The following RHOBTB2 variants were observed in gnomAD, a reference collection of about 807,000 sequenced individuals.
The protein encoded by RHOBTB2 is Rho related BTB domain containing 2.
In RHOBTB2, 39 loss-of-function variants were observed where a neutral mutation model predicts 66.5. That is an observed-to-expected ratio of 0.59 (90% CI 0.45 to 0.77). RHOBTB2 has a LOEUF of 0.77. Ranked by LOEUF, RHOBTB2 falls within the 30% of genes least tolerant of loss-of-function variation. The pLI, the probability that RHOBTB2 is intolerant of heterozygous loss-of-function variation, is 0.00. For missense variants in RHOBTB2, 755 were observed against 999.1 expected, an observed-to-expected ratio of 0.76 and a Z score of 3.29; for synonymous variants, 390 against 395.0, an observed-to-expected ratio of 0.99 and a Z score of 0.15.
upstream of RHOBTB2, among the ~76,000 whole-genome samples, chr8:22,986,101 C>T (rs1810281891): frequency 6.6e-6 from 1 of 151,826 alleles, no homozygotes; most frequent in Admixed American, 6.6e-5. Flanking sequence ...CAGCGAACAT[C>T]AGAGACCCAT....
Position 23,004,414 on chromosome 8 carries a change from C to A in RHOBTB2, c.-10-11C>A. 1 of 1,613,156 alleles carries A rather than the reference C, an allele frequency of 6.2e-7. No homozygotes were observed. Among genetic ancestry groups the A allele is most frequent in the Non-Finnish European group, 8.5e-7 (1 of 1,179,162 alleles). ...CCATGCCGTCCTGACCGCCTCCCTCCTCTCCCTCAGGTCCCGTTTAATGGA... is the reference window on the plus strand; with the variant it reads ...CCATGCCGTCCTGACCGCCTCCCTCATCTCCCTCAGGTCCCGTTTAATGGA... On this transcript the variant is annotated splice_polypyrimidine_tract_variant and intron_variant, in intron 1 of 9. Coordinates refer to ENST00000251822, the MANE Select transcript of RHOBTB2 (RefSeq NM_015178.3). The surrounding 1 kb of genome is among the most constrained non-coding windows in gnomAD (Gnocchi z 6.4).
intron 2 of RHOBTB2, among the ~76,000 whole-genome samples, chr8:23,005,150 T>G (rs936680546): frequency 6.6e-6 from 1 of 152,114 alleles, no homozygotes; most frequent in Non-Finnish European, 1.5e-5. Flanking sequence ...TAGGGTCTCT[T>G]CCACTCCTGG....
At chr8:22,984,459 G>A (rs1466752565), upstream of RHOBTB2, 2 of 152,154 alleles carry the variant, frequency 1.3e-5, no homozygotes, top group East Asian at 1.9e-4. Flanking sequence ...ATATTCTTAC[G>A]CACCATATAT....
chr8:23,013,724 G>A (rs1324897912), intron 7 of RHOBTB2, among the ~76,000 whole-genome samples: 2 of 152,094 alleles, frequency 1.3e-5, no homozygotes, highest in African/African-American at 4.8e-5. Flanking sequence ...TTGAACTCCT[G>A]GCCTCAAGTG....
intron 1 of RHOBTB2, among the ~76,000 whole-genome samples, chr8:22,987,822 C>T (rs1405488063): frequency 1.3e-5 from 2 of 152,216 alleles, no homozygotes; most frequent in South Asian, 2.1e-4. Flanking sequence ...GCAGCCAGAT[C>T]TGGGGCAGGA....
the RHOBTB2 span, among the ~76,000 whole-genome samples, chr8:22,966,532 C>T: frequency 2.0e-5 from 3 of 151,924 alleles, no homozygotes; most frequent in African/African-American, 7.3e-5. Flanking sequence ...TGCCCGTAAT[C>T]CCAGCACTTT....
rs1810903119 is a variant in RHOBTB2 at position 23,004,971 on chromosome 8, G to A, written c.192+345G>A. ...ACAAGCTGAGAGGAGCAAAGAAGCT[G>A]GCAGCTGATAGCAAAAGACCAGAGG... On this transcript the variant is annotated intron_variant, in intron 2 of 9. Coordinates refer to ENST00000251822, the MANE Select transcript of RHOBTB2 (RefSeq NM_015178.3). The surrounding 1 kb of genome is among the most constrained non-coding windows in gnomAD (Gnocchi z 6.4). The A allele has an allele frequency of 7.1e-6, 3 of 420,772 alleles. No individual in the cohort carries two copies. Among genetic ancestry groups the A allele is most frequent in the African/African-American group, 4.0e-5 (2 of 50,056 alleles). The allele number at this position is 420,772 out of a possible 1,614,324, so 26.1% of individuals were successfully genotyped here.
At chr8:22,972,349 T>A in the RHOBTB2 span, among the ~76,000 whole-genome samples, 1 of 152,192 alleles carries the variant, frequency 6.6e-6, no homozygotes, top group African/African-American at 2.4e-5. Context: ...TAATTTTAAA[T>A]ATCATTTAAT....
At chr8:22,957,501 T>G in the RHOBTB2 span, among the ~76,000 whole-genome samples, 1 of 152,140 alleles carries the variant, frequency 6.6e-6, no homozygotes, top group African/African-American at 2.4e-5. Context: ...TGCTGCCCCT[T>G]TTGTCCCCTG....
chr8:22,994,279 C>G (rs1810490131), intron 2 of RHOBTB2, among the ~76,000 whole-genome samples: 1 of 152,204 alleles, frequency 6.6e-6, no homozygotes. Flanking sequence ...TCCAAATCGC[C>G]AAACCAGCTC....
intron 3 of RHOBTB2, 68 bp from the exon 4 acceptor site, chr8:23,005,892 C>A: frequency 6.8e-7 from 1 of 1,468,780 alleles, no homozygotes; most frequent in Non-Finnish European, 9.4e-7. Context: ...TGGGGTGGGG[C>A]AGATGTTCCA....
rs1320936559 is a variant in RHOBTB2, at chr8:23,018,541, C to T, written c.*1072C>T. On this transcript the variant is annotated 3_prime_UTR_variant, in exon 10 of 10. Coordinates refer to ENST00000251822, the MANE Select transcript of RHOBTB2 (RefSeq NM_015178.3). ...CTCCAATGCCTTTCAGGAAAGGACTCGGCACTTCTCTGACTGCGGAGGCCC... is the reference window on the plus strand; with the variant it reads ...CTCCAATGCCTTTCAGGAAAGGACTTGGCACTTCTCTGACTGCGGAGGCCC... The T allele has an allele frequency of 1.3e-5, 2 of 152,270 alleles. No homozygotes were observed. The highest frequency in any genetic ancestry group is 2.9e-5 in the Non-Finnish European group (2 of 68,086). 9.4% of individuals were successfully genotyped at this position (152,270 alleles called of 1,614,324 possible).
chr8:22,983,336 TAA>T (rs532894152), upstream of RHOBTB2, among the ~76,000 whole-genome samples: 5 of 134,500 alleles, frequency 3.7e-5, no homozygotes, highest in Non-Finnish European at 4.8e-5. Context: ...ACCATTTAGT[TAA>T]AAAAAAAAAA....
the RHOBTB2 span, among the ~76,000 whole-genome samples, chr8:22,962,306 G>C: frequency 6.9e-6 from 1 of 145,780 alleles, no homozygotes; most frequent in African/African-American, 2.5e-5. Flanking sequence ...TGTATACTAG[G>C]CCCAGGTGAT....
chr8:22,991,906 C>T (rs1300119390), intron 1 of RHOBTB2: 1 of 152,198 alleles, frequency 6.6e-6, no homozygotes, highest in African/African-American at 2.4e-5. Flanking sequence ...GGTCAAAGTT[C>T]AGGATTAGCT....
the RHOBTB2 span, among the ~76,000 whole-genome samples, chr8:22,964,465 C>T: frequency 2.0e-5 from 3 of 151,992 alleles, no homozygotes; most frequent in African/African-American, 7.3e-5. Flanking sequence ...AAAATAAGAC[C>T]ATTTATTGTG....
chr8:23,003,174 G>A (rs1810837682), intron 1 of RHOBTB2, among the ~76,000 whole-genome samples: 1 of 152,224 alleles, frequency 6.6e-6, no homozygotes, highest in Non-Finnish European at 1.5e-5. Context: ...AGATGACGCT[G>A]GCGAAACCAA....
At chr8:23,010,016 T>C (rs901571833) in intron 6 of RHOBTB2, among the ~76,000 whole-genome samples, 10 of 152,270 alleles carry the variant, frequency 6.6e-5, no homozygotes, top group Admixed American at 5.9e-4. Flanking sequence ...GCCTTACTTA[T>C]TCTGTATCCC....
At chr8:22,967,076 G>A in the RHOBTB2 span, among the ~76,000 whole-genome samples, 1 of 152,146 alleles carries the variant, frequency 6.6e-6, no homozygotes, top group African/African-American at 2.4e-5. Context: ...AGAATTTAAA[G>A]CAGGGTCTTA....
Sources: gnomAD v4.1 joint callset for allele counts (sites outside exome capture counted in the v4.1 genomes callset) on GRCh38, gnomAD v4.1.1 for gene constraint, Gnocchi (gnomAD v3.1) non-coding constraint, MANE v1.5 for transcripts, NCBI Gene and HGNC (gene_info 2026-07-23, HGNC 2026-07-21) for gene names.